SAMD5: variants seen among roughly 807,000 people sequenced by gnomAD.
SAMD5 encodes sterile alpha motif domain containing 5.
SAMD5 carries 13 observed loss-of-function variants against 11.3 expected under a neutral mutation model. The observed-to-expected ratio is 1.15, with a 90% CI of 0.75 to 1.83. SAMD5 has a LOEUF of 1.83. SAMD5 is among the 40% of genes most tolerant of loss of function. SAMD5 has a pLI of 0.00. For synonymous variants in SAMD5, 129 were observed against 111.3 expected (o/e 1.16, Z -1.00); for missense variants, 255 against 239.1 (o/e 1.07, Z -0.44).
At chr6:147,914,456 A>G in the SAMD5 span, among the ~76,000 whole-genome samples, 1 of 152,166 alleles carries the variant, frequency 6.6e-6, no homozygotes, top group Non-Finnish European at 1.5e-5. Flanking sequence ...AATTACACAG[A>G]ATTGGAAAAA....
intron 1 of SAMD5, among the ~76,000 whole-genome samples, chr6:147,635,697 T>A (rs1399913009): frequency 1.3e-5 from 2 of 152,222 alleles, no homozygotes; most frequent in African/African-American, 2.4e-5. Flanking sequence ...GCCTTAAATG[T>A]GCTTGCAACC....
At position 147,568,147 on chromosome 6, in the gene SAMD5, C is replaced by A; in HGVS notation, c.*3691C>A. ...AAATTAGGAGTGCAAATGGGCTGTT[C>A]CCCGATAGCATCTTCTGGGAAGAAT... On this transcript the variant is annotated 3_prime_UTR_variant, in exon 2 of 2. Coordinates refer to ENST00000367474, the MANE Select transcript of SAMD5 (RefSeq NM_001030060.3). 1.0e-6 allele frequency: 1 copy of A among 985,216 alleles called. No homozygotes were observed. Among genetic ancestry groups the A allele is most frequent in the Non-Finnish European group, 1.2e-6 (1 of 829,866 alleles). The allele number at this position is 985,216 out of a possible 1,614,324, so 61.0% of individuals were successfully genotyped here.
At chr6:147,646,234 A>G (rs1258770315) in intron 1 of SAMD5, among the ~76,000 whole-genome samples, 1 of 152,162 alleles carries the variant, frequency 6.6e-6, no homozygotes, top group Non-Finnish European at 1.5e-5. Flanking sequence ...TAACATGAGT[A>G]GTCAATTCAT....
At chr6:147,910,117 T>A in the SAMD5 span, among the ~76,000 whole-genome samples, 1 of 152,074 alleles carries the variant, frequency 6.6e-6, no homozygotes, top group Non-Finnish European at 1.5e-5. Flanking sequence ...TAAGAGAGAA[T>A]GTGATCAGTA....
intron 1 of SAMD5, among the ~76,000 whole-genome samples, chr6:147,543,911 G>A (rs76273086): frequency 0.023 from 3,469 of 152,226 alleles, 133 homozygotes; most frequent in African/African-American, 0.079. Context: ...GGAAAGGAAC[G>A]TTTAAGGGAG....
At chr6:147,634,743 A>G (rs1336636003) in intron 1 of SAMD5, among the ~76,000 whole-genome samples, 1 of 152,238 alleles carries the variant, frequency 6.6e-6, no homozygotes, top group African/African-American at 2.4e-5. Context: ...CATAATAGAC[A>G]TTCGATACTG....
the SAMD5 span, among the ~76,000 whole-genome samples, chr6:147,781,772 G>GCGCA: frequency 5.5e-5 from 8 of 146,270 alleles, no homozygotes; most frequent in African/African-American, 1.7e-4. Context: ...ATTTGTGTGC[G>GCGCA]CACACACACA....
the SAMD5 span, among the ~76,000 whole-genome samples, chr6:147,814,392 T>C: frequency 6.6e-6 from 1 of 152,354 alleles, no homozygotes; most frequent in East Asian, 1.9e-4. Flanking sequence ...ATATTACAGG[T>C]ATACAACTTC....
At chr6:147,800,464 C>T in the SAMD5 span, among the ~76,000 whole-genome samples, 92 of 152,292 alleles carry the variant, frequency 6.0e-4, no homozygotes, top group Non-Finnish European at 1.1e-3. Flanking sequence ...AACCACTGCT[C>T]TCTTCAAAGC....
intron 1 of SAMD5, among the ~76,000 whole-genome samples, chr6:147,630,015 C>T (rs1272188807): frequency 2.0e-5 from 3 of 148,910 alleles, no homozygotes; most frequent in East Asian, 2.0e-4. Flanking sequence ...AATGGCATGA[C>T]CTCCGCTCAC....
rs146435599 is a variant in SAMD5 at position 147,546,356 on chromosome 6, C to T, written c.460-18038C>T. ...ACCAGCCTGACCAACGTGGAGAAAT[C>T]CCATCTCTACTAAAAATACAAAAAT... is the stretch of plus-strand genomic sequence containing the variant. On this transcript the variant is annotated intron_variant, in intron 1 of 1. Transcript: ENST00000367474. Among the ~76,000 whole-genome samples the T allele has an allele frequency of 8.9e-3, 1,361 of 152,216 alleles. 23 individuals are homozygous for T. Among genetic ancestry groups the T allele is most frequent in the African/African-American group, 0.031 (1,303 of 41,520 alleles).
chr6:147,663,653 G>A (rs1393594754), intron 1 of SAMD5, among the ~76,000 whole-genome samples: 1 of 151,584 alleles, frequency 6.6e-6, no homozygotes, highest in African/African-American at 2.4e-5. Flanking sequence ...TTAGCCAGGT[G>A]TGGTGGTGCA....
the SAMD5 span, among the ~76,000 whole-genome samples, chr6:147,861,893 T>C: frequency 3.6e-4 from 55 of 152,270 alleles, no homozygotes; most frequent in East Asian, 9.3e-3. Context: ...TCTGTGACAC[T>C]GAGGTGAGAG....
At chr6:147,902,110 T>C in the SAMD5 span, among the ~76,000 whole-genome samples, 1 of 151,900 alleles carries the variant, frequency 6.6e-6, no homozygotes. Flanking sequence ...CTTTCTAATT[T>C]AAGCCTTGAA....
chr6:147,583,220 G>T (rs1047296701), intron 1 of SAMD5, among the ~76,000 whole-genome samples: 8 of 152,122 alleles, frequency 5.3e-5, no homozygotes, highest in African/African-American at 1.9e-4. Context: ...GGGAATTGTT[G>T]CTAAATCCAA....
chr6:147,651,607 GC>G (rs1365675699), intron 1 of SAMD5, among the ~76,000 whole-genome samples: 1 of 152,134 alleles, frequency 6.6e-6, no homozygotes, highest in Non-Finnish European at 1.5e-5. Context: ...GTGGCCATCT[GC>G]AGGCAGACAC....
the SAMD5 span, among the ~76,000 whole-genome samples, chr6:147,786,601 A>G: frequency 6.6e-6 from 1 of 152,222 alleles, no homozygotes; most frequent in Admixed American, 6.5e-5. Flanking sequence ...ATACTTACTT[A>G]AAGGACAGGG....
the SAMD5 span, among the ~76,000 whole-genome samples, chr6:147,745,931 G>A: frequency 1.7e-3 from 256 of 152,094 alleles, no homozygotes; most frequent in Non-Finnish European, 3.3e-3. Flanking sequence ...TAATAGAGAC[G>A]GGGTTTCACT....
chr6:147,617,787 C>G (rs965410936), intron 1 of SAMD5, among the ~76,000 whole-genome samples: 1 of 152,178 alleles, frequency 6.6e-6, no homozygotes, highest in Admixed American at 6.5e-5. Flanking sequence ...CAATGGCATC[C>G]AAGTCTGTCT....
Sources: allele counts gnomAD v4.1 joint callset (sites outside exome capture counted in the v4.1 genomes callset), GRCh38; gene constraint gnomAD v4.1.1; transcripts MANE v1.5; gene names NCBI Gene and HGNC (gene_info 2026-07-23, HGNC 2026-07-21).